The following SLC22A25 variants were observed in gnomAD, a reference collection of about 807,000 sequenced individuals.
SLC22A25 encodes the protein solute carrier family 22 member 25, also known as MGI:2442751, MGI:2385316, MGI:3042283, MGI:3645714, MGI:3605624, MGI:2442750.
Under a neutral mutation model 45.9 loss-of-function variants are expected in SLC22A25, and 44 were observed. The observed-to-expected ratio is 0.96, with a 90% CI of 0.75 to 1.23. The LOEUF (loss-of-function observed/expected upper bound fraction) is 1.23, where lower values mean the gene tolerates loss of function less well. SLC22A25 is among the 50% of genes most tolerant of loss of function. The pLI is 0.00. For synonymous variants in SLC22A25, 283 were observed against 238.6 expected (o/e 1.19, Z -1.72); for missense variants, 800 against 666.4 (o/e 1.20, Z -2.21).
At chr11:63,175,563 C>G (rs2088055041) in intron 9 of SLC22A25, among the ~76,000 whole-genome samples, 1 of 152,154 alleles carries the variant, frequency 6.6e-6, no homozygotes, top group Non-Finnish European at 1.5e-5. Context: ...GCTGCCTTTT[C>G]ATTCTATTAT....
chr11:63,235,155 G>T (rs2090141871), intron 3 of SLC22A25, among the ~76,000 whole-genome samples: 1 of 152,092 alleles, frequency 6.6e-6, no homozygotes. Context: ...TATCTTTGTG[G>T]CATTCTCTGT....
intron 3 of SLC22A25, among the ~76,000 whole-genome samples, chr11:63,236,065 C>T (rs761539752): frequency 5.9e-5 from 9 of 152,178 alleles, no homozygotes; most frequent in African/African-American, 9.7e-5. Flanking sequence ...TGGGGGGTGC[C>T]TCCCAGTTAG....
At chr11:63,169,629 A>C (rs1397431531) in intron 9 of SLC22A25, among the ~76,000 whole-genome samples, 1 of 152,216 alleles carries the variant, frequency 6.6e-6, no homozygotes, top group Non-Finnish European at 1.5e-5. Context: ...TCCTAAATAT[A>C]TACACACACA....
chr11:63,195,878 A>G (rs185377363), intron 7 of SLC22A25, among the ~76,000 whole-genome samples: 2 of 152,344 alleles, frequency 1.3e-5, no homozygotes, highest in Non-Finnish European at 2.9e-5. Context: ...AGAAGAAAAG[A>G]GAGAAGAATC....
chr11:63,214,514 G>C (rs1009689664), intron 7 of SLC22A25, among the ~76,000 whole-genome samples: 1 of 152,120 alleles, frequency 6.6e-6, no homozygotes, highest in Non-Finnish European at 1.5e-5. Flanking sequence ...TTAACTGCCT[G>C]TTTTTCTGTT....
At chr11:63,230,982 A>G (rs1338828889) in intron 3 of SLC22A25, among the ~76,000 whole-genome samples, 3 of 152,330 alleles carry the variant, frequency 2.0e-5, no homozygotes, top group East Asian at 3.9e-4. Context: ...ACATGAACTC[A>G]TCATTTTTTA....
At chr11:63,185,611 T>C (rs2088504269) in intron 7 of SLC22A25, among the ~76,000 whole-genome samples, 1 of 150,378 alleles carries the variant, frequency 6.6e-6, no homozygotes, top group African/African-American at 2.5e-5. Context: ...GTTACATATG[T>C]ATACATGTGC....
intron 3 of SLC22A25, among the ~76,000 whole-genome samples, chr11:63,236,362 C>T (rs987051280): frequency 1.3e-5 from 2 of 152,220 alleles, no homozygotes; most frequent in Admixed American, 6.5e-5. Context: ...CTCCCCCAGC[C>T]TTGCTGCCAC....
chr11:63,174,456 C>T (rs2088012783), intron 9 of SLC22A25, among the ~76,000 whole-genome samples: 1 of 152,048 alleles, frequency 6.6e-6, no homozygotes, highest in Admixed American at 6.6e-5. Context: ...ACCTAGTTGT[C>T]CAAACCTTCC....
Position 63,163,792 on chromosome 11 carries a change from C to T in SLC22A25, c.*32G>A, listed in dbSNP as rs1276258192. 9 of 1,579,670 alleles carry T rather than the reference C, an allele frequency of 5.7e-6. No homozygotes were observed. Among genetic ancestry groups the T allele is most frequent in the African/African-American group, 4.1e-5 (3 of 73,632 alleles). ...TAAGCCTTTTTGGGGGATGGTAGCC[C>T]TAAATGGTGTTTTGCTTTCCTCAGC... On this transcript the variant is annotated 3_prime_UTR_variant, in exon 12 of 12. Coordinates refer to ENST00000306494, the MANE Select transcript of SLC22A25 (RefSeq NM_199352.6).
chr11:63,194,839 C>G (rs549876905), intron 7 of SLC22A25, among the ~76,000 whole-genome samples: 5 of 134,450 alleles, frequency 3.7e-5, no homozygotes, highest in East Asian at 2.3e-4. Context: ...CAGAGACACA[C>G]ATAGGCTCAA....
chr11:63,195,969 A>G lies in SLC22A25; in HGVS notation c.831-12152T>C, dbSNP rs140399561. On this transcript the variant is annotated intron_variant, in intron 7 of 11. Coordinates refer to ENST00000306494, the MANE Select transcript of SLC22A25 (RefSeq NM_199352.6). ...ACAAACTACCATCAGATAATACTATAAACACCTCTATGCAAATAAACTAGA... is the reference window on the plus strand; with the variant it reads ...ACAAACTACCATCAGATAATACTATGAACACCTCTATGCAAATAAACTAGA... Among the ~76,000 whole-genome samples the G allele has an allele frequency of 3.9e-4, 60 of 152,352 alleles. No individual in the cohort carries two copies. The East Asian group carries it at 0.01, about 26-fold the overall frequency.
intron 3 of SLC22A25, among the ~76,000 whole-genome samples, chr11:63,230,696 A>G (rs904202974): frequency 3.3e-5 from 5 of 152,206 alleles, no homozygotes; most frequent in African/African-American, 9.6e-5. Context: ...ACATGTGCAC[A>G]ACGTGCAGAT....
chr11:63,221,157 G>A (rs1216041493), intron 5 of SLC22A25, among the ~76,000 whole-genome samples: 4 of 152,144 alleles, frequency 2.6e-5, no homozygotes, highest in African/African-American at 9.7e-5. Context: ...TGGGATTGCT[G>A]AATCATATAG....
Position 63,163,379 on chromosome 11 carries a change from G to A in SLC22A25, c.*445C>T, listed in dbSNP as rs2087570091. ...CTGAATCTCACATGTGATACAAAAG[G>A]ACTTCTCATCTGTGGGAGGGGCTCT... On this transcript the variant is annotated 3_prime_UTR_variant, in exon 12 of 12. Coordinates refer to ENST00000306494, the MANE Select transcript of SLC22A25 (RefSeq NM_199352.6). Among the ~76,000 whole-genome samples the A allele has an allele frequency of 1.3e-5, 2 of 152,090 alleles. No individual in the cohort carries two copies. Among genetic ancestry groups the A allele is most frequent in the Admixed American group, 6.6e-5 (1 of 15,258 alleles).
At chr11:63,238,677 A>C (rs2090202666) in intron 2 of SLC22A25, 40 bp downstream of exon 2, 1 of 166,636 alleles carries the variant, frequency 6.0e-6, no homozygotes, top group African/African-American at 2.4e-5. Flanking sequence ...ATTTGTAAAC[A>C]CTGTAGTTGT....
rs376335609 is a variant in SLC22A25, at chr11:63,165,780, A to G, written c.1285+264T>C. On this transcript the variant is annotated intron_variant, in intron 10 of 11. Coordinates refer to ENST00000306494, the MANE Select transcript of SLC22A25 (RefSeq NM_199352.6). ...GATCAATTGCTGTCCTAGAGAAACTATCAGGAATAAATGGCACCAACTTCT... is the reference window on the plus strand; with the variant it reads ...GATCAATTGCTGTCCTAGAGAAACTGTCAGGAATAAATGGCACCAACTTCT... 3.3e-4 allele frequency among the ~76,000 whole-genome samples: 51 copies of G among 152,316 alleles called. 3 individuals carry two copies. Among genetic ancestry groups the G allele is most frequent in the East Asian group, 2.3e-3 (12 of 5,178 alleles).
intron 7 of SLC22A25, among the ~76,000 whole-genome samples, chr11:63,190,378 C>G (rs186338655): frequency 7.8e-4 from 118 of 152,206 alleles, no homozygotes; most frequent in African/African-American, 2.7e-3. Context: ...GTTCTCGTGT[C>G]GTGGTTTTCA....
At chr11:63,183,313 A>G (rs1315294129) in intron 8 of SLC22A25, among the ~76,000 whole-genome samples, 1 of 152,120 alleles carries the variant, frequency 6.6e-6, no homozygotes, top group Non-Finnish European at 1.5e-5. Flanking sequence ...CTTATGTTCT[A>G]TTCTGTTTGC....
Sources: gnomAD v4.1 joint callset for allele counts (sites outside exome capture counted in the v4.1 genomes callset) on GRCh38, gnomAD v4.1.1 for gene constraint, MANE v1.5 for transcripts, NCBI Gene and HGNC (gene_info 2026-07-23, HGNC 2026-07-21) for gene names.